ERCC6: variants seen among roughly 807,000 people sequenced by gnomAD.
The protein encoded by ERCC6 is ERCC excision repair 6, chromatin remodeling factor.
A neutral mutation model predicts 158.7 loss-of-function variants in ERCC6; 116 were observed. The observed-to-expected ratio is 0.73, with a 90% CI of 0.63 to 0.85. The LOEUF is 0.85. Among genes scored for constraint, ERCC6 ranks in the 40% least tolerant of loss-of-function variants. ERCC6 has a pLI of 0.00. For synonymous variants in ERCC6, 678 were observed against 659.3 expected (o/e 1.03, Z -0.43); for missense variants, 1,698 against 1,799.4 (o/e 0.94, Z 1.02).
chr10:49,469,161 G>A (rs1351014662), intron 18 of ERCC6, among the ~76,000 whole-genome samples: 2 of 152,200 alleles, frequency 1.3e-5, no homozygotes, highest in African/African-American at 2.4e-5. Flanking sequence ...AAAGTTTGAT[G>A]AGAAACAGGA....
intron 7 of ERCC6, among the ~76,000 whole-genome samples, chr10:49,496,571 G>A (rs1851269938): frequency 6.6e-6 from 1 of 152,152 alleles, no homozygotes; most frequent in Admixed American, 6.5e-5. Context: ...ACTTTGGGAG[G>A]CCGAGGCGGG....
rs145822221 is a variant in ERCC6, at chr10:49,531,343, G to A, written c.423-503C>T. 1.8e-3 allele frequency among the ~76,000 whole-genome samples: 277 copies of A among 152,254 alleles called. 1 individual carries two copies. Among genetic ancestry groups the A allele is most frequent in the African/African-American group, 6.1e-3 (254 of 41,558 alleles). On this transcript the variant is annotated intron_variant, in intron 2 of 20. Transcript: ENST00000355832. Reference sequence around the variant, plus strand: ...TTACTACAGCACTAAACTTTGTGGTGCAAAGAAAACAAATCAATTTAAAAT... The same window carrying A: ...TTACTACAGCACTAAACTTTGTGGTACAAAGAAAACAAATCAATTTAAAAT...
chr10:49,531,592 A>G (rs1022687591), intron 2 of ERCC6, among the ~76,000 whole-genome samples: 2 of 152,186 alleles, frequency 1.3e-5, no homozygotes, highest in African/African-American at 2.4e-5. Context: ...AAGAGGACAC[A>G]TTTCCAAGAT....
chr10:49,476,021 C>T (rs1009382820), intron 12 of ERCC6, among the ~76,000 whole-genome samples, 194 bp downstream of exon 12: 3 of 152,228 alleles, frequency 2.0e-5, no homozygotes, highest in Non-Finnish European at 2.9e-5. Context: ...CCACCTTTCA[C>T]CAGTTACCTA....
At chr10:49,515,524 G>A (rs1836922670) in intron 5 of ERCC6, 2 of 1,614,074 alleles carry the variant, frequency 1.2e-6, no homozygotes, top group African/African-American at 1.3e-5. Context: ...CCAGGTTCTG[G>A]AGGATGACCA....
At chr10:49,437,525 G>A in the ERCC6 span, among the ~76,000 whole-genome samples, 9 of 152,200 alleles carry the variant, frequency 5.9e-5, no homozygotes, top group Non-Finnish European at 1.0e-4. Flanking sequence ...GAAGAAAGGT[G>A]GAGGAGAGGA....
At chr10:49,510,752 A>G (rs1175689970) in intron 5 of ERCC6, among the ~76,000 whole-genome samples, 2 of 152,214 alleles carry the variant, frequency 1.3e-5, no homozygotes, top group Admixed American at 6.5e-5. Context: ...GGTTAGGGAA[A>G]AGGAAGACAC....
At chr10:49,465,368 T>A (rs1850656509) in intron 18 of ERCC6, among the ~76,000 whole-genome samples, 1 of 152,230 alleles carries the variant, frequency 6.6e-6, no homozygotes, top group Admixed American at 6.5e-5. Context: ...TTGCTTTTGA[T>A]TTTACAGGCT....
intron 5 of ERCC6, chr10:49,516,571 A>G (rs756056646): frequency 1.2e-6 from 2 of 1,613,968 alleles, no homozygotes; most frequent in African/African-American, 1.3e-5. Context: ...CCCAGAAAAC[A>G]TTTGAATTCA....
Position 49,460,984 on chromosome 10 carries a change from G to C in ERCC6, c.3983+368C>G, listed in dbSNP as rs4253222. On this transcript the variant is annotated intron_variant, in intron 19 of 20. Transcript: ENST00000355832. ...TGATGGGAACCATTCTCAATTCCAA[G>C]TAGGAAAATCATTCTAAAAGAGCAT... 4.7e-3 allele frequency among the ~76,000 whole-genome samples: 711 copies of C among 152,200 alleles called. 5 individuals carry two copies. Among genetic ancestry groups the C allele is most frequent in the African/African-American group, 0.016 (645 of 41,526 alleles).
intron 8 of ERCC6, among the ~76,000 whole-genome samples, chr10:49,485,075 C>T (rs1197667459): frequency 2.0e-5 from 3 of 152,202 alleles, no homozygotes; most frequent in Non-Finnish European, 4.4e-5. Flanking sequence ...TGGAGTGGTG[C>T]AGTCGTGGAC....
chr10:49,511,042 CTCA>C (rs1851524924), intron 5 of ERCC6, among the ~76,000 whole-genome samples: 1 of 151,824 alleles, frequency 6.6e-6, no homozygotes, highest in Admixed American at 6.6e-5. Flanking sequence ...AGAAGGAAAG[CTCA>C]TCATTTTGAA....
intron 5 of ERCC6, chr10:49,515,721 C>CT (rs773245940): frequency 6.2e-7 from 1 of 1,614,152 alleles, no homozygotes; most frequent in South Asian, 1.1e-5. Flanking sequence ...TTCATCAGCT[C>CT]TGTCTACGCC....
At chr10:49,448,277 T>C in the ERCC6 span, among the ~76,000 whole-genome samples, 1 of 152,178 alleles carries the variant, frequency 6.6e-6, no homozygotes, top group African/African-American at 2.4e-5. Flanking sequence ...GACTTGCCTT[T>C]CCCTAAAGAC....
At chr10:49,523,960 C>T in intron 5 of ERCC6, 73 bp downstream of exon 5, 2 of 1,589,002 alleles carry the variant, frequency 1.3e-6, no homozygotes, top group South Asian at 1.1e-5. Flanking sequence ...ATCTAGAATG[C>T]TTACATATTA....
At chr10:49,519,453 G>A (rs1837086669) in intron 5 of ERCC6, among the ~76,000 whole-genome samples, 2 of 152,062 alleles carry the variant, frequency 1.3e-5, no homozygotes, top group South Asian at 4.2e-4. Flanking sequence ...ATAAAAATAG[G>A]GACTCATCAG....
Position 49,479,045 on chromosome 10 carries a change from C to T in ERCC6, c.2170-575G>A, listed in dbSNP as rs143380031. Among the ~76,000 whole-genome samples the T allele has an allele frequency of 3.5e-4, 53 of 151,958 alleles. No individual in the cohort carries two copies. The East Asian group carries it at 0.01, about 29-fold the overall frequency. On this transcript the variant is annotated intron_variant, in intron 10 of 20. Coordinates refer to ENST00000355832, the MANE Select transcript of ERCC6 (RefSeq NM_000124.4). ...TCCCAGAAACGAAAGGTCACTCTGC[C>T]CTAAAATGCAGCATATGGTTCTGTA...
intron 5 of ERCC6, among the ~76,000 whole-genome samples, chr10:49,522,531 T>C (rs945008809): frequency 1.3e-5 from 2 of 152,240 alleles, no homozygotes; most frequent in South Asian, 2.1e-4. Flanking sequence ...TAAATTGTTT[T>C]ACAATCTTAA....
the ERCC6 span, among the ~76,000 whole-genome samples, chr10:49,444,644 G>A: frequency 6.6e-6 from 1 of 152,194 alleles, no homozygotes; most frequent in African/African-American, 2.4e-5. Context: ...GCAATTGAGT[G>A]AGTACGAGGA....
Sources: allele counts gnomAD v4.1 joint callset (sites outside exome capture counted in the v4.1 genomes callset), GRCh38; gene constraint gnomAD v4.1.1; transcripts MANE v1.5; gene names NCBI Gene and HGNC (gene_info 2026-07-23, HGNC 2026-07-21).